Variants in UFL1 observed in about 807,000 individuals in gnomAD.
UFL1 encodes E3 UFM1-protein ligase 1.
A neutral mutation model predicts 99.3 loss-of-function variants in UFL1; 78 were observed. The ratio of observed to expected loss-of-function variants is 0.79; its 90% confidence interval spans 0.65 to 0.95. The LOEUF is 0.95. Among genes scored for constraint, UFL1 ranks in the 40% least tolerant of loss-of-function variants. The pLI is 0.00. For missense variants in UFL1, 936 were observed against 937.0 expected, an observed-to-expected ratio of 1.00 and a Z score of 0.01; for synonymous variants, 335 against 322.2, an observed-to-expected ratio of 1.04 and a Z score of -0.42.
intron 18 of UFL1, 132 bp from the exon 19 acceptor site, chr6:96,553,153 G>C: frequency 1.4e-6 from 1 of 727,752 alleles, no homozygotes; most frequent in Non-Finnish European, 2.3e-6. Context: ...TGCTAGATTA[G>C]ACTTGCTACT....
At chr6:96,534,626 AAT>A (rs1769829649) in intron 7 of UFL1, among the ~76,000 whole-genome samples, 1 of 152,050 alleles carries the variant, frequency 6.6e-6, no homozygotes, top group Non-Finnish European at 1.5e-5. Context: ...TAAGATTAAG[AAT>A]AGTTTTTACT....
At chr6:96,534,228 G>GT in intron 6 of UFL1, 35 bp from the exon 7 acceptor site, 1 of 1,354,992 alleles carries the variant, frequency 7.4e-7, no homozygotes, top group Non-Finnish European at 9.9e-7. Flanking sequence ...ACTATAATGA[G>GT]TAAGAAGTTT....
chr6:96,525,461 A>C, intron 4 of UFL1, 67 bp downstream of exon 4: 1 of 1,227,676 alleles, frequency 8.1e-7, no homozygotes, highest in Middle Eastern at 2.4e-4. Flanking sequence ...TATAGTGTTT[A>C]AATTTAGGCC....
In UFL1 at chr6:96,542,943, C is replaced by T. The variant is rs768304138; in HGVS notation, c.1329C>T (p.Tyr443=). The T allele has an allele frequency of 1.9e-6, 3 of 1,600,932 alleles. No individual in the cohort carries two copies. Among genetic ancestry groups the T allele is most frequent in the Non-Finnish European group, 1.7e-6 (2 of 1,173,072 alleles). Residue 443 remains tyrosine (Y), a synonymous_variant, in exon 12 of 19, where the codon TAC becomes TAT. Coordinates refer to ENST00000369278, the MANE Select transcript of UFL1 (RefSeq NM_015323.5). ...GAGGTGGGGGCAATGCCAGAGAGTA[C>T]AAAATTAAAAAAGTCAAGAAGAAAG... ...RGGGGGNARE[Y]KIKKVKKKGR... is the part of the protein sequence containing the mutation.
chr6:96,546,765 A>C lies in UFL1; in HGVS notation c.1403-1399A>C, dbSNP rs1260154743. On this transcript the variant is annotated intron_variant, in intron 12 of 18. Transcript: ENST00000369278. Reference sequence around the variant, plus strand: ...GGGTCGACAAAAATAAACAATGGGGAAAGGACACCCTATTCAATAAATGGT... The same window carrying C: ...GGGTCGACAAAAATAAACAATGGGGCAAGGACACCCTATTCAATAAATGGT... 4.0e-5 allele frequency among the ~76,000 whole-genome samples: 6 copies of C among 151,634 alleles called. No homozygotes were observed. The South Asian group carries it at 1.2e-3, about 31-fold the overall frequency.
chr6:96,547,326 T>C (rs1308612325), intron 12 of UFL1, among the ~76,000 whole-genome samples: 1 of 151,648 alleles, frequency 6.6e-6, no homozygotes, highest in Non-Finnish European at 1.5e-5. Context: ...CAACAGATGT[T>C]AGTGTTGATG....
intron 4 of UFL1, among the ~76,000 whole-genome samples, chr6:96,525,711 G>A (rs1038862904): frequency 4.7e-5 from 7 of 150,178 alleles, no homozygotes; most frequent in African/African-American, 7.3e-5. Context: ...CAGTGTTAAT[G>A]TATGGAATAC....
At chr6:96,538,915 C>G in intron 10 of UFL1, 105 bp downstream of exon 10, 1 of 999,438 alleles carries the variant, frequency 1.0e-6, no homozygotes, top group East Asian at 2.7e-5. Flanking sequence ...CACTTTGTAT[C>G]ATTTATTATT....
chr6:96,541,917 G>T (rs1008209589), intron 11 of UFL1, among the ~76,000 whole-genome samples: 3 of 150,878 alleles, frequency 2.0e-5, no homozygotes, highest in South Asian at 2.1e-4. Context: ...TTTGAAAATA[G>T]AATTTTTTTA....
Position 96,554,629 on chromosome 6 carries a change from A to G in UFL1, c.*1126A>G, listed in dbSNP as rs1770129902. 6.6e-6 allele frequency: 1 copy of G among 152,268 alleles called. No individual in the cohort carries two copies. The highest frequency in any genetic ancestry group is 1.5e-5 in the Non-Finnish European group (1 of 67,926). 9.4% of individuals were successfully genotyped at this position (152,268 alleles called of 1,614,324 possible). ...TTCAAATATTTAAAAATACTATTTT[A>G]TATAATTCCTTATGACATTTTAAAC... On this transcript the variant is annotated 3_prime_UTR_variant, in exon 19 of 19. Coordinates refer to ENST00000369278, the MANE Select transcript of UFL1 (RefSeq NM_015323.5).
intron 5 of UFL1, among the ~76,000 whole-genome samples, chr6:96,527,372 T>C (rs952423145): frequency 8.5e-5 from 13 of 152,132 alleles, no homozygotes; most frequent in Non-Finnish European, 1.2e-4. Context: ...ATGGAGAAAC[T>C]AAATAATGCT....
At chr6:96,546,347 C>G (rs566703658) in intron 12 of UFL1, among the ~76,000 whole-genome samples, 1 of 148,876 alleles carries the variant, frequency 6.7e-6, no homozygotes, top group South Asian at 2.1e-4. Context: ...CTACAAAACA[C>G]TGATGAAAGA....
At position 96,547,075 on chromosome 6, in the gene UFL1, A is replaced by G. The variant is rs180719987; in HGVS notation, c.1403-1089A>G. On this transcript the variant is annotated intron_variant, in intron 12 of 18. Transcript: ENST00000369278. Reference sequence around the variant, plus strand: ...AATAGCCTTCAGAATGGGAGAAAATATATGCGAATTATGCTTCTGACAAAG... The same window carrying G: ...AATAGCCTTCAGAATGGGAGAAAATGTATGCGAATTATGCTTCTGACAAAG... Among the ~76,000 whole-genome samples the G allele has an allele frequency of 1.6e-3, 237 of 151,760 alleles. 1 individual carries two copies. The Middle Eastern group carries it at 0.02, about 13-fold the overall frequency.
At chr6:96,527,084 A>G (rs971708580) in intron 5 of UFL1, among the ~76,000 whole-genome samples, 3 of 152,206 alleles carry the variant, frequency 2.0e-5, no homozygotes, top group African/African-American at 7.2e-5. Flanking sequence ...TATGTGTGAT[A>G]ACAATGCTGC....
intron 5 of UFL1, among the ~76,000 whole-genome samples, chr6:96,527,700 A>G (rs145271533): frequency 1.1e-4 from 17 of 152,246 alleles, no homozygotes; most frequent in East Asian, 3.9e-4. Flanking sequence ...TCAAATCCAA[A>G]TGATTTCTTA....
intron 6 of UFL1, among the ~76,000 whole-genome samples, chr6:96,532,407 T>G (rs1428841988): frequency 6.6e-6 from 1 of 152,186 alleles, no homozygotes; most frequent in African/African-American, 2.4e-5. Flanking sequence ...TTGCTATGGT[T>G]TGGATGTGGT....
At chr6:96,534,864 T>C (rs190899279) in intron 7 of UFL1, among the ~76,000 whole-genome samples, 1 of 151,994 alleles carries the variant, frequency 6.6e-6, no homozygotes, top group African/African-American at 2.4e-5. Flanking sequence ...GATTTTGTCT[T>C]TCAACTCAGA....
chr6:96,542,246 C>T (rs1171900107), intron 11 of UFL1, among the ~76,000 whole-genome samples: 2 of 150,920 alleles, frequency 1.3e-5, no homozygotes, highest in East Asian at 3.9e-4. Context: ...AGTCTATAGT[C>T]AATAGGTAAT....
At position 96,537,419 on chromosome 6, in the gene UFL1, A is replaced by G. The variant is rs373840862; in HGVS notation, c.848A>G (p.Tyr283Cys). Residue 283 changes from tyrosine (Y) to cysteine (C), a missense_variant, in exon 9 of 19, where the codon TAC (tyrosine) becomes TGC (cysteine). Tyr to Cys is a radical substitution (Grantham distance 194). Transcript: ENST00000369278. ...SRLGIPDAVSYIKKRYKTTQL... is the reference protein window; with the variant it reads ...SRLGIPDAVSCIKKRYKTTQL... The stretch of plus-strand genomic sequence containing the variant: ...CTTGGAATCCCAGATGCTGTAAGCT[A>G]CATAAAGAAAAGATATAAGACTACA... The G allele has an allele frequency of 3.1e-6, 5 of 1,602,322 alleles. No individual in the cohort carries two copies. Among genetic ancestry groups the G allele is most frequent in the African/African-American group, 1.4e-5 (1 of 73,892 alleles).
Sources: gnomAD v4.1 joint callset for allele counts (sites outside exome capture counted in the v4.1 genomes callset) on GRCh38, gnomAD v4.1.1 for gene constraint, MANE v1.5 for transcripts, NCBI Gene and HGNC (gene_info 2026-07-23, HGNC 2026-07-21) for gene names.